The following SLC4A5 variants were observed in gnomAD, a reference collection of about 807,000 sequenced individuals.
SLC4A5 encodes the protein electrogenic sodium bicarbonate cotransporter 4.
Under a neutral mutation model 120.4 loss-of-function variants are expected in SLC4A5, and 96 were observed. The observed-to-expected ratio is 0.80, with a 90% CI of 0.68 to 0.94. The LOEUF is 0.94. SLC4A5 is among the 40% of genes least tolerant of loss of function. SLC4A5 has a pLI of 0.00. For synonymous variants in SLC4A5, 550 were observed against 571.1 expected, an observed-to-expected ratio of 0.96 and a Z score of 0.53; for missense variants, 1,259 against 1,459.5, an observed-to-expected ratio of 0.86 and a Z score of 2.24.
intron 5 of SLC4A5, among the ~76,000 whole-genome samples, chr2:74,315,336 A>C (rs531017522): frequency 6.6e-5 from 10 of 151,696 alleles, no homozygotes; most frequent in East Asian, 1.9e-4. Context: ...GCTGCTAGGA[A>C]GGCTGAGGCA....
chr2:74,233,602 C>A (rs771251572), intron 22 of SLC4A5, 39 bp from the exon 23 acceptor site: 2 of 1,568,306 alleles, frequency 1.3e-6, no homozygotes, highest in South Asian at 2.3e-5. Flanking sequence ...TTTCCTCTCT[C>A]CCTTGTCCCA....
At chr2:74,303,603 G>C (rs1672542825) in intron 7 of SLC4A5, among the ~76,000 whole-genome samples, 1 of 152,104 alleles carries the variant, frequency 6.6e-6, no homozygotes, top group South Asian at 2.1e-4. Context: ...CTTTCCATAG[G>C]AAAGAGCAAA....
intron 5 of SLC4A5, among the ~76,000 whole-genome samples, chr2:74,317,215 C>T (rs1173190382): frequency 2.0e-5 from 3 of 152,188 alleles, no homozygotes; most frequent in Admixed American, 6.5e-5. Flanking sequence ...TAACCCTTTA[C>T]AAGAAATAAA....
intron 5 of SLC4A5, among the ~76,000 whole-genome samples, chr2:74,321,583 T>TG (rs1038065476): frequency 4.6e-5 from 7 of 152,068 alleles, no homozygotes; most frequent in East Asian, 3.9e-4. Flanking sequence ...AAACCACACC[T>TG]GGGTCATCTG....
chr2:74,275,099 T>C (rs1465029088), intron 8 of SLC4A5, among the ~76,000 whole-genome samples: 2 of 152,182 alleles, frequency 1.3e-5, no homozygotes, highest in East Asian at 1.9e-4. Context: ...GGGCCTTTGG[T>C]GATGCAGTAC....
chr2:74,221,729 A>G (rs1694655120), intron 29 of SLC4A5, among the ~76,000 whole-genome samples: 1 of 151,966 alleles, frequency 6.6e-6, no homozygotes, highest in Admixed American at 6.6e-5. Context: ...CAGGGAAGAG[A>G]GAAATAGGAG....
chr2:74,219,424 G>A (rs1694553073), intron 30 of SLC4A5, among the ~76,000 whole-genome samples: 1 of 151,198 alleles, frequency 6.6e-6, no homozygotes, highest in South Asian at 2.1e-4. Context: ...CACATCCTCA[G>A]GGATTAAGCA....
Position 74,268,929 on chromosome 2 carries a change from C to T in SLC4A5, c.402-3665G>A, listed in dbSNP as rs11897111. 6.4e-3 allele frequency among the ~76,000 whole-genome samples: 975 copies of T among 152,256 alleles called. 11 individuals carry two copies. Among genetic ancestry groups the T allele is most frequent in the African/African-American group, 0.022 (909 of 41,550 alleles). On this transcript the variant is annotated intron_variant, in intron 8 of 30. Coordinates refer to ENST00000394019, the Ensembl canonical transcript of SLC4A5. ...CTTCATTCCATACATTTATTTGAGA[C>T]AAGTTAACCAGGCACCTGGTGGGAT...
chr2:74,235,037 G>T (rs1670225154), intron 22 of SLC4A5, 64 bp downstream of exon 22: 2 of 1,294,332 alleles, frequency 1.5e-6, no homozygotes, highest in Admixed American at 3.5e-5. Context: ...CAGCACAGAG[G>T]GGAAAGAATC....
chr2:74,257,215 A>C (rs915731737), intron 12 of SLC4A5, among the ~76,000 whole-genome samples: 3 of 151,868 alleles, frequency 2.0e-5, no homozygotes, highest in African/African-American at 7.3e-5. Context: ...GAGCAATGGC[A>C]CTACCCTTAT....
At chr2:74,337,148 T>C (rs1029720930) in intron 3 of SLC4A5, among the ~76,000 whole-genome samples, 2 of 152,210 alleles carry the variant, frequency 1.3e-5, no homozygotes, top group Non-Finnish European at 2.9e-5. Context: ...CTCCCTGGAC[T>C]GAGCCCCACA....
At chr2:74,253,964 C>T (rs577799721) in intron 14 of SLC4A5, among the ~76,000 whole-genome samples, 37 of 152,294 alleles carry the variant, frequency 2.4e-4, no homozygotes, top group Admixed American at 2.0e-3. Flanking sequence ...AGAATGATGT[C>T]TTTTGTTTCC....
chr2:74,258,334 C>T (rs1671032768), intron 12 of SLC4A5, among the ~76,000 whole-genome samples: 1 of 152,206 alleles, frequency 6.6e-6, no homozygotes, highest in Non-Finnish European at 1.5e-5. Flanking sequence ...GCAAGGAGAA[C>T]CAGATGCTGG....
intron 8 of SLC4A5, among the ~76,000 whole-genome samples, chr2:74,284,909 C>G (rs1421647557): frequency 6.6e-6 from 1 of 152,192 alleles, no homozygotes; most frequent in Non-Finnish European, 1.5e-5. Context: ...CCCTCTCCAT[C>G]TGGATTTTTC....
chr2:74,303,785 A>C lies in SLC4A5; in HGVS notation c.271+704T>G, dbSNP rs144462904. 9.4e-3 allele frequency among the ~76,000 whole-genome samples: 1,429 copies of C among 152,256 alleles called. 28 individuals carry two copies. Among genetic ancestry groups the C allele is most frequent in the African/African-American group, 0.031 (1,305 of 41,538 alleles). On this transcript the variant is annotated intron_variant, in intron 7 of 30. Coordinates refer to ENST00000394019, the Ensembl canonical transcript of SLC4A5. Reference sequence around the variant, plus strand: ...CCAGTGAGGAGAGAGGGTGGAGCTAATGTAACAAGAACTTCAATTTACTGA... The same window carrying C: ...CCAGTGAGGAGAGAGGGTGGAGCTACTGTAACAAGAACTTCAATTTACTGA...
At chr2:74,265,124 C>G in exon 9 of SLC4A5, 3 of 1,613,868 alleles carry the variant, frequency 1.9e-6, no homozygotes, top group Non-Finnish European at 2.5e-6. Flanking sequence ...TGGTAAGGAG[C>G]CACTGTCCAA....
In SLC4A5 at chr2:74,254,708, T is replaced by C; in HGVS notation, c.1026-2A>G. The C allele has an allele frequency of 1.9e-6, 3 of 1,608,836 alleles. No individual in the cohort carries two copies. The highest frequency in any genetic ancestry group is 2.2e-5 in the East Asian group (1 of 44,838). ...GGTCCCAGTAGTATAAACAGAAATC[T>C]GCAAAGAAGATGGAGGAGGAGACAG... On this transcript the variant is annotated splice_acceptor_variant, in intron 13 of 30. Coordinates refer to ENST00000394019, the Ensembl canonical transcript of SLC4A5. LOFTEE classifies it high-confidence loss of function.
At chr2:74,222,829 T>C (rs1243346976) in intron 29 of SLC4A5, 39 bp downstream of exon 29, 1 of 1,504,622 alleles carries the variant, frequency 6.6e-7, no homozygotes. Flanking sequence ...CATGGAGGAC[T>C]AGTAGTAAGA....
chr2:74,240,778 A>AC (rs1670415680), intron 20 of SLC4A5, among the ~76,000 whole-genome samples: 1 of 152,038 alleles, frequency 6.6e-6, no homozygotes, highest in Non-Finnish European at 1.5e-5. Flanking sequence ...TCAAAAAAAA[A>AC]AAAACCCTAA....
Sources: gnomAD v4.1 joint callset for allele counts (sites outside exome capture counted in the v4.1 genomes callset) on GRCh38, gnomAD v4.1.1 for gene constraint, MANE v1.5 for transcripts, NCBI Gene and HGNC (gene_info 2026-07-23, HGNC 2026-07-21) for gene names.